The following TSHZ2 variants were observed in gnomAD, a reference collection of about 807,000 sequenced individuals.
TSHZ2 encodes the protein teashirt homolog 2.
A neutral mutation model predicts 74.4 loss-of-function variants in TSHZ2; 21 were observed. The ratio of observed to expected loss-of-function variants is 0.28; its 90% CI spans 0.20 to 0.41. The LOEUF (loss-of-function observed/expected upper bound fraction) is 0.41, where lower values mean the gene tolerates loss of function less well. Among genes scored for constraint, TSHZ2 ranks in the 10% least tolerant of loss-of-function variants. The pLI is 1.00. For missense variants in TSHZ2, 1,244 were observed against 1,293.5 expected (o/e 0.96, Z 0.59); for synonymous variants, 540 against 515.3 (o/e 1.05, Z -0.65).
intron 1 of TSHZ2, among the ~76,000 whole-genome samples, chr20:52,980,951 A>G (rs1981543788): frequency 6.6e-6 from 1 of 152,194 alleles, no homozygotes; most frequent in African/African-American, 2.4e-5. Context: ...TACCCCAGAG[A>G]GATATGAATA....
chr20:53,404,581 T>C (rs1223876086), intron 2 of TSHZ2, among the ~76,000 whole-genome samples: 2 of 152,244 alleles, frequency 1.3e-5, no homozygotes, highest in African/African-American at 2.4e-5. Flanking sequence ...TATCTCCCCA[T>C]GTACTTTGCA....
intron 2 of TSHZ2, among the ~76,000 whole-genome samples, chr20:53,302,058 T>C (rs149035312): frequency 6.6e-6 from 1 of 152,284 alleles, no homozygotes; most frequent in African/African-American, 2.4e-5. Context: ...GGGAGCAGAT[T>C]GGCATCGCTT....
chr20:53,275,105 TAATATA>T (rs1990916747), intron 2 of TSHZ2, among the ~76,000 whole-genome samples: 1 of 152,176 alleles, frequency 6.6e-6, no homozygotes, highest in Non-Finnish European at 1.5e-5. Context: ...AAAAGTACCC[TAATATA>T]AATATACCAT....
intron 2 of TSHZ2, among the ~76,000 whole-genome samples, chr20:53,298,837 G>T (rs1369136446): frequency 6.6e-6 from 1 of 152,248 alleles, no homozygotes; most frequent in East Asian, 1.9e-4. Flanking sequence ...AAAAGAGATT[G>T]GTCACAAATA....
chr20:53,045,767 T>C (rs1191791142), intron 1 of TSHZ2, among the ~76,000 whole-genome samples: 4 of 152,282 alleles, frequency 2.6e-5, no homozygotes, highest in African/African-American at 7.2e-5. Context: ...CGGAGGGATG[T>C]GGTGAGGCAT....
At chr20:53,340,463 C>T (rs1208603223) in intron 2 of TSHZ2, among the ~76,000 whole-genome samples, 5 of 152,066 alleles carry the variant, frequency 3.3e-5, no homozygotes, top group African/African-American at 9.7e-5. Context: ...GGATTACAGG[C>T]GTGAGCCACT....
chr20:53,421,527 G>T, intron 2 of TSHZ2: 1 of 233,294 alleles, frequency 4.3e-6, no homozygotes, highest in Non-Finnish European at 8.9e-6. Context: ...TCGAGTGGCT[G>T]GATGGCAAGC....
At chr20:53,164,355 T>C (rs890777992) in intron 1 of TSHZ2, among the ~76,000 whole-genome samples, 1 of 152,024 alleles carries the variant, frequency 6.6e-6, no homozygotes. Flanking sequence ...TTATTGACAA[T>C]TTGATAGGCA....
chr20:53,476,367 A>G (rs1187459476), intron 2 of TSHZ2, among the ~76,000 whole-genome samples: 7 of 150,748 alleles, frequency 4.6e-5, no homozygotes, highest in Non-Finnish European at 7.4e-5. Flanking sequence ...AGGCAAATCA[A>G]TAAGTGTAAT....
intron 1 of TSHZ2, among the ~76,000 whole-genome samples, chr20:53,032,648 A>G (rs1983681432): frequency 1.3e-5 from 2 of 152,166 alleles, no homozygotes; most frequent in South Asian, 4.1e-4. Context: ...CCCCGGGGAA[A>G]AATCATTTCT....
intron 2 of TSHZ2, among the ~76,000 whole-genome samples, chr20:53,414,775 T>A (rs1386561587): frequency 2.6e-5 from 4 of 152,230 alleles, no homozygotes; most frequent in African/African-American, 9.6e-5. Context: ...ATGTGAATCT[T>A]GCTGATTTTC....
intron 2 of TSHZ2, among the ~76,000 whole-genome samples, chr20:53,443,882 C>G (rs374935753): frequency 6.6e-6 from 1 of 152,126 alleles, no homozygotes; most frequent in African/African-American, 2.4e-5. Context: ...GTGGCTACTG[C>G]CTGTTGAAAC....
intron 1 of TSHZ2, among the ~76,000 whole-genome samples, chr20:53,062,869 G>A (rs993312868): frequency 5.3e-5 from 8 of 152,148 alleles, no homozygotes; most frequent in African/African-American, 1.9e-4. Context: ...ACTCAGCTTA[G>A]TCATTTCTAG....
At chr20:53,470,345 T>C (rs1451621967) in intron 2 of TSHZ2, among the ~76,000 whole-genome samples, 2 of 152,194 alleles carry the variant, frequency 1.3e-5, no homozygotes, top group Admixed American at 1.3e-4. Context: ...AGATTTCTCT[T>C]AGGAAAAATT....
At chr20:52,995,169 G>A (rs1982135713) in intron 1 of TSHZ2, among the ~76,000 whole-genome samples, 1 of 152,306 alleles carries the variant, frequency 6.6e-6, no homozygotes, top group South Asian at 2.1e-4. Context: ...TTCCTCAGCA[G>A]AGCTCCAGCT....
intron 1 of TSHZ2, among the ~76,000 whole-genome samples, chr20:53,251,019 A>G (rs1006364117): frequency 2.6e-5 from 4 of 152,150 alleles, no homozygotes; most frequent in Non-Finnish European, 4.4e-5. Context: ...ACTTCTTGCT[A>G]GATGTCAGGC....
intron 2 of TSHZ2, among the ~76,000 whole-genome samples, chr20:53,363,242 G>C (rs1568885680): frequency 6.6e-6 from 1 of 152,182 alleles, no homozygotes; most frequent in Non-Finnish European, 1.5e-5. Flanking sequence ...CATCACCCTA[G>C]CTGTGCTTCC....
At chr20:53,299,691 C>T (rs1040871587) in intron 2 of TSHZ2, among the ~76,000 whole-genome samples, 3 of 152,204 alleles carry the variant, frequency 2.0e-5, no homozygotes, top group Non-Finnish European at 4.4e-5. Flanking sequence ...AGCCAGTAAG[C>T]TCTCAATGCA....
At chr20:53,316,912 A>AT (rs924017830) in intron 2 of TSHZ2, among the ~76,000 whole-genome samples, 11 of 151,282 alleles carry the variant, frequency 7.3e-5, no homozygotes, top group African/African-American at 1.9e-4. Flanking sequence ...GGTTTCTTTT[A>AT]TTTTTTTTTA....
Sources: gnomAD v4.1 joint callset for allele counts (sites outside exome capture counted in the v4.1 genomes callset) on GRCh38, gnomAD v4.1.1 for gene constraint, MANE v1.5 for transcripts, NCBI Gene and HGNC (gene_info 2026-07-23, HGNC 2026-07-21) for gene names.